The following XIST variants were observed in gnomAD, a reference collection of about 807,000 sequenced individuals.
XIST encodes the protein X inactive specific transcript (non-protein coding).
chrX:73,847,753 G>A (rs370601240), exon 1 of XIST: 3 of 556,289 alleles, frequency 5.4e-6, no homozygotes, highest in Non-Finnish European at 9.7e-6. Context: ...TACACATTAA[G>A]AGTCCCAAGA....
chrX:73,850,428 T>A lies in XIST; in HGVS notation n.2296A>T, dbSNP rs765820028. ...CTATAATAGTCACTTAAGACTTAAA[T>A]TCAAACACTAGCAAACCACAAAATC... is the stretch of plus-strand genomic sequence containing the variant. On this transcript the variant is annotated non_coding_transcript_exon_variant, in exon 1 of 6. Transcript: ENST00000429829. 138 of 539,891 alleles carry A rather than the reference T, an allele frequency of 2.6e-4. No homozygotes were observed. In the African/African-American group the frequency reaches 2.8e-3, roughly 11 times the overall value. 44.5% of individuals were successfully genotyped at this position (539,891 alleles called of 1,213,427 possible).
exon 1 of XIST, chrX:73,843,686 G>A (rs780521467): frequency 2.2e-5 from 12 of 556,989 alleles, no homozygotes; most frequent in Non-Finnish European, 2.9e-5. Flanking sequence ...AACATGCTTA[G>A]AGAATTGAGT....
chrX:73,847,915 G>A (rs745676718), exon 1 of XIST: 4 of 557,350 alleles, frequency 7.2e-6, no homozygotes, highest in Non-Finnish European at 1.3e-5. Context: ...TGTAAAACAA[G>A]GAGGATAAAA....
At chrX:73,848,581 C>A (rs764054705) in exon 1 of XIST, 1 of 557,652 alleles carries the variant, frequency 1.8e-6, no homozygotes, top group East Asian at 3.2e-5. Flanking sequence ...GATACAGAGT[C>A]CCTTTCTAAT....
chrX:73,850,855 CA>C (rs1835673156), exon 1 of XIST: 1 of 531,328 alleles, frequency 1.9e-6, no homozygotes, highest in Non-Finnish European at 3.4e-6. Context: ...TCCAGCACTG[CA>C]AGAGGCAGCA....
exon 1 of XIST, chrX:73,849,581 T>G (rs1385304058): frequency 5.4e-6 from 3 of 558,327 alleles, no homozygotes; most frequent in Non-Finnish European, 9.7e-6. Flanking sequence ...GATAGAAAGC[T>G]CTCAATTGAC....
At chrX:73,826,100 C>T (rs771331684) in exon 6 of XIST, 41 of 557,409 alleles carry the variant, frequency 7.4e-5, no homozygotes, top group African/African-American at 2.2e-5. Flanking sequence ...TCCCAAACCC[C>T]AGAATCCTGC....
At position 73,848,361 on chromosome X, in the gene XIST, G is replaced by T. The variant is rs559834228; in HGVS notation, n.4363C>A. The T allele has an allele frequency of 3.7e-4, 204 of 554,034 alleles. 1 individual carries two copies. The South Asian group carries it at 4.5e-3, about 12-fold the overall frequency. The allele number at this position is 554,034 out of a possible 1,213,427, so 45.7% of individuals were successfully genotyped here. On this transcript the variant is annotated non_coding_transcript_exon_variant, in exon 1 of 6. Transcript: ENST00000429829. ...TTGATGTAAAGCAAAGATGATGCAG[G>T]GACCTTGATATAAAAGACTCAGTTC...
chrX:73,822,011 A>G (rs1331078122), exon 6 of XIST: 1 of 557,137 alleles, frequency 1.8e-6, no homozygotes, highest in East Asian at 3.3e-5. Context: ...AAAGAGATCT[A>G]TTTAGGCAGT....
chrX:73,834,849 G>A (rs1922451287), intron 2 of XIST, among the ~76,000 whole-genome samples: 1 of 70,952 alleles, frequency 1.4e-5, no homozygotes, highest in South Asian at 1.4e-3. Context: ...AGCTGGGGGC[G>A]GGGGGTGGGG....
At chrX:73,848,193 G>A (rs1273744923) in exon 1 of XIST, 1 of 557,270 alleles carries the variant, frequency 1.8e-6, no homozygotes. Context: ...TTGCAATTAT[G>A]CGCATTAACA....
In XIST at chrX:73,851,267, CAT is replaced by C. The variant is rs750590317; in HGVS notation, n.1455_1456del. The C allele has an allele frequency of 4.5e-5, 25 of 558,063 alleles. No homozygotes were observed. In the South Asian group the frequency reaches 4.9e-4, roughly 11 times the overall value. The allele number at this position is 558,063 out of a possible 1,213,427, so 46.0% of individuals were successfully genotyped here. ...TCCACGTGACAAAAGCCATGATATA[CAT>C]ATGACAACGCCTGCCATATTGTCCC... On this transcript the variant is annotated non_coding_transcript_exon_variant, in exon 1 of 6. Coordinates refer to ENST00000429829, the Ensembl canonical transcript of XIST.
chrX:73,849,859 GGGGACT>G (rs1260357461), exon 1 of XIST: 3 of 501,831 alleles, frequency 6.0e-6, no homozygotes, highest in South Asian at 2.5e-5. Context: ...TGGGGGGTTA[GGGGACT>G]GGGGCTGGGG....
At chrX:73,829,282 T>C (rs1224526987) in intron 4 of XIST, 2 of 497,607 alleles carry the variant, frequency 4.0e-6, no homozygotes, top group African/African-American at 4.6e-5. Context: ...TATTGAGTAC[T>C]GTGCTAGAGT....
exon 1 of XIST, chrX:73,852,510 T>C: frequency 1.9e-6 from 1 of 540,390 alleles, no homozygotes; most frequent in South Asian, 2.5e-5. Context: ...CCAAATACTT[T>C]CTTTAAAAAA....
At chrX:73,850,681 GAGGGGGGT>G (rs1327274938) in exon 1 of XIST, 270 of 384,435 alleles carry the variant, frequency 7.0e-4, no homozygotes, top group South Asian at 4.9e-3. Flanking sequence ...GGGCAGACCA[GAGGGGGGT>G]AGGGGGGTAG....
At chrX:73,832,042 T>C (rs1012645831) in intron 3 of XIST, among the ~76,000 whole-genome samples, 8 of 112,121 alleles carry the variant, frequency 7.1e-5, no homozygotes, top group Non-Finnish European at 1.1e-4. Context: ...ACTCCAGTTA[T>C]AACAACAGCT....
At chrX:73,822,857 T>C (rs1479143451) in exon 6 of XIST, 6 of 557,262 alleles carry the variant, frequency 1.1e-5, no homozygotes, top group Non-Finnish European at 1.9e-5. Flanking sequence ...TTTTCCTTAG[T>C]ATCGAACATA....
At chrX:73,842,722 A>T in exon 1 of XIST, 1 of 558,605 alleles carries the variant, frequency 1.8e-6, no homozygotes, top group Non-Finnish European at 3.2e-6. Flanking sequence ...GGGTGGGACC[A>T]AGGAAAGTGC....
Sources: allele counts gnomAD v4.1 joint callset (sites outside exome capture counted in the v4.1 genomes callset), GRCh38; gene constraint gnomAD v4.1.1; transcripts MANE v1.5; gene names NCBI Gene and HGNC (gene_info 2026-07-23, HGNC 2026-07-21).